The following PPIL3 variants were observed in gnomAD, a reference collection of about 807,000 sequenced individuals.
The protein encoded by PPIL3 is peptidyl-prolyl cis-trans isomerase-like 3.
Under a neutral mutation model 20.9 loss-of-function variants are expected in PPIL3, and 13 were observed. The ratio of observed to expected loss-of-function variants is 0.62; its 90% CI spans 0.40 to 0.99. The LOEUF (loss-of-function observed/expected upper bound fraction) is 0.99. Ranked by LOEUF, PPIL3 falls within the 50% of genes least tolerant of loss-of-function variation. The pLI is 0.00. For synonymous variants in PPIL3, 71 were observed against 64.4 expected (o/e 1.10, Z -0.49); for missense variants, 170 against 195.2 (o/e 0.87, Z 0.77).
At chr2:200,877,547 A>C (rs1246222851) in intron 5 of PPIL3, 1 of 152,348 alleles carries the variant, frequency 6.6e-6, no homozygotes, top group Non-Finnish European at 1.5e-5. Flanking sequence ...GCAGGCAACA[A>C]AACCAAAATG....
intron 6 of PPIL3, among the ~76,000 whole-genome samples, chr2:200,874,016 T>TAA (rs2039415215): frequency 2.0e-5 from 3 of 151,110 alleles, no homozygotes; most frequent in Admixed American, 1.3e-4. Context: ...CCATCCTGGC[T>TAA]AACATGGTGA....
rs182022964 is a variant in PPIL3 at position 200,882,272 on chromosome 2, C to T, written c.172+70G>A. The T allele has an allele frequency of 5.3e-5, 53 of 1,005,666 alleles. No homozygotes were observed. The African/African-American group carries it at 6.5e-4, about 12-fold the overall frequency. 62.3% of individuals were successfully genotyped at this position (1,005,666 alleles called of 1,614,324 possible). A position where few individuals can be genotyped will look rare whatever the true frequency, so the allele number is the denominator to read the frequency against. ...AAACAAAAACTCCACGTATTTAATTCCTCTTCTTTTACCCACTTCTTCATA... is the reference window on the plus strand; with the variant it reads ...AAACAAAAACTCCACGTATTTAATTTCTCTTCTTTTACCCACTTCTTCATA... On this transcript the variant is annotated intron_variant, in intron 4 of 6. Transcript: ENST00000392283.
intron 3 of PPIL3, among the ~76,000 whole-genome samples, chr2:200,882,722 T>C (rs2039777752): frequency 2.0e-5 from 3 of 151,824 alleles, no homozygotes; most frequent in Admixed American, 1.3e-4. Flanking sequence ...ATCCTGGCTA[T>C]GGTGAAACCC....
At chr2:200,876,105 T>G (rs1039208246) in intron 6 of PPIL3, among the ~76,000 whole-genome samples, 1 of 151,766 alleles carries the variant, frequency 6.6e-6, no homozygotes, top group African/African-American at 2.4e-5. Flanking sequence ...CTGGGCAACA[T>G]AGTGAGACCA....
chr2:200,888,337 TCCTACA>T, intron 1 of PPIL3: 1 of 152,266 alleles, frequency 6.6e-6, no homozygotes, highest in African/African-American at 2.4e-5. Context: ...GACCTGACAA[TCCTACA>T]CAGAACTGCT....
At chr2:200,872,538 G>A (rs149935802) in intron 6 of PPIL3, among the ~76,000 whole-genome samples, 1 of 152,132 alleles carries the variant, frequency 6.6e-6, no homozygotes, top group East Asian at 1.9e-4. Context: ...AAAATACATG[G>A]CTGATTCCTC....
chr2:200,872,502 A>T (rs2039343641), intron 6 of PPIL3, among the ~76,000 whole-genome samples: 1 of 152,114 alleles, frequency 6.6e-6, no homozygotes, highest in Non-Finnish European at 1.5e-5. Context: ...CAAGAATAGG[A>T]GGTCACTGAA....
At chr2:200,885,507 A>C in intron 3 of PPIL3, 191 bp downstream of exon 3, 2 of 538,122 alleles carry the variant, frequency 3.7e-6, no homozygotes, top group Non-Finnish European at 6.4e-6. Context: ...AAAATTATCT[A>C]CGTTCTCTTT....
Position 200,875,097 on chromosome 2 carries a change from CAT to C in PPIL3, c.359+1820_359+1821del, listed in dbSNP as rs1034352334. ...CTGATTTATAAAAGCAACTCCCAGA[CAT>C]AGTACTCTTAATAGATACCCTGGCA... On this transcript the variant is annotated intron_variant, in intron 6 of 6. Coordinates refer to ENST00000392283, the MANE Select transcript of PPIL3 (RefSeq NM_130906.3). Among the ~76,000 whole-genome samples the C allele has an allele frequency of 4.6e-5, 7 of 152,310 alleles. No individual in the cohort carries two copies. The Middle Eastern group carries it at 0.014, about 296-fold the overall frequency.
intron 3 of PPIL3, among the ~76,000 whole-genome samples, chr2:200,883,790 T>C: frequency 6.6e-6 from 1 of 152,150 alleles, no homozygotes; most frequent in Non-Finnish European, 1.5e-5. Context: ...TGAGACAGGG[T>C]CTTGCTCTGT....
chr2:200,873,391 C>T (rs2039384689), intron 6 of PPIL3, among the ~76,000 whole-genome samples: 1 of 151,580 alleles, frequency 6.6e-6, no homozygotes, highest in Non-Finnish European at 1.5e-5. Context: ...GATTTCACCA[C>T]ATTGGCCAGG....
intron 4 of PPIL3, 175 bp from the exon 5 acceptor site, chr2:200,881,663 C>T: frequency 3.7e-6 from 2 of 534,136 alleles, no homozygotes; most frequent in Non-Finnish European, 6.5e-6. Flanking sequence ...TAAAACAGAC[C>T]TACAAAAAAC....
At chr2:200,871,655 C>A in intron 6 of PPIL3, 134 bp from the exon 7 acceptor site, 1 of 748,424 alleles carries the variant, frequency 1.3e-6, no homozygotes, top group Non-Finnish European at 2.1e-6. Context: ...GAATGTACAA[C>A]AAAATGTTGA....
In PPIL3 at chr2:200,887,607, A is replaced by C; in HGVS notation, c.3+6T>G. 1.9e-6 allele frequency: 3 copies of C among 1,602,800 alleles called. No homozygotes were observed. Among genetic ancestry groups the C allele is most frequent in the Non-Finnish European group, 2.6e-6 (3 of 1,173,160 alleles). On this transcript the variant is annotated splice_donor_region_variant and intron_variant, in intron 2 of 6. Transcript: ENST00000392283. ...AGACATTAGATAAAAATTGCTCAAA[A>C]CTTACCATTTTTCCTCTTAGTGGTT...
chr2:200,873,528 C>T (rs988686094), intron 6 of PPIL3, among the ~76,000 whole-genome samples: 4 of 151,942 alleles, frequency 2.6e-5, no homozygotes, highest in African/African-American at 9.7e-5. Flanking sequence ...TGGATAACAA[C>T]AAGAAGTAAT....
intron 3 of PPIL3, among the ~76,000 whole-genome samples, chr2:200,883,040 CAATT>C (rs1039286941): frequency 6.6e-6 from 1 of 151,012 alleles, no homozygotes; most frequent in Non-Finnish European, 1.5e-5. Context: ...AGCATTCTGA[CAATT>C]AATCCAAAAG....
intron 3 of PPIL3, among the ~76,000 whole-genome samples, chr2:200,883,112 CTTTTTTTTTT>C (rs1289951586): frequency 1.1e-4 from 12 of 108,820 alleles, no homozygotes; most frequent in Admixed American, 1.0e-3. Context: ...CTGGAATGTT[CTTTTTTTTTT>C]TTTTTTTTTT....
intron 6 of PPIL3, among the ~76,000 whole-genome samples, chr2:200,876,349 T>C (rs1259444545): frequency 1.3e-5 from 2 of 151,974 alleles, no homozygotes; most frequent in Non-Finnish European, 2.9e-5. Flanking sequence ...TATACTATGT[T>C]AATTTGCATA....
Position 200,882,366 on chromosome 2 carries a change from T to C in PPIL3, c.148A>G (p.Met50Val), listed in dbSNP as rs764622207. Reference sequence around the variant, plus strand: ...CCTGTTGGATCTCCTGTTTGAACCATGAAACCCTTGATATTCCTATGAAAT... The same window carrying C: ...CCTGTTGGATCTCCTGTTTGAACCACGAAACCCTTGATATTCCTATGAAAT... ...CIFHRNIKGF[M>V]VQTGDPTGTG... The change falls in exon 4 of 7, where the codon ATG (methionine) becomes GTG (valine). Residue 50 changes from methionine (M) to valine (V), a missense_variant. Physicochemically the swap from Met to Val is conservative, Grantham distance 21. Coordinates refer to ENST00000392283, the MANE Select transcript of PPIL3 (RefSeq NM_130906.3). The C allele has an allele frequency of 1.0e-5, 16 of 1,604,674 alleles. No homozygotes were observed. The highest frequency in any genetic ancestry group is 2.2e-5 in the East Asian group (1 of 44,838).
Sources: allele counts gnomAD v4.1 joint callset (sites outside exome capture counted in the v4.1 genomes callset), GRCh38; gene constraint gnomAD v4.1.1; transcripts MANE v1.5; gene names NCBI Gene and HGNC (gene_info 2026-07-23, HGNC 2026-07-21).